DUOX1: variants seen among roughly 807,000 people sequenced by gnomAD.
DUOX1 encodes NADPH thyroid oxidase 1.
DUOX1 carries 134 observed loss-of-function variants against 181.8 expected under a neutral mutation model. The ratio of observed to expected loss-of-function variants is 0.74; its 90% CI spans 0.64 to 0.85. DUOX1 has a LOEUF of 0.85. DUOX1 is among the 40% of genes least tolerant of loss of function. The pLI, the probability that DUOX1 is intolerant of heterozygous loss-of-function variation, is 0.00. For missense variants in DUOX1, 1,814 were observed against 2,064.4 expected (o/e 0.88, Z 2.35); for synonymous variants, 798 against 832.5 (o/e 0.96, Z 0.71).
intron 28 of DUOX1, among the ~76,000 whole-genome samples, chr15:45,156,690 C>G (rs1291357348): frequency 2.0e-5 from 3 of 152,190 alleles, no homozygotes; most frequent in Non-Finnish European, 2.9e-5. Flanking sequence ...CTCGGCCTCC[C>G]AAAGTGCTGG....
At chr15:45,159,801 T>A (rs1394201126) in intron 28 of DUOX1, among the ~76,000 whole-genome samples, 1 of 152,094 alleles carries the variant, frequency 6.6e-6, no homozygotes, top group African/African-American at 2.4e-5. Context: ...TGGCAAACAG[T>A]CCCTACCCCT....
At position 45,155,552 on chromosome 15, in the gene DUOX1, A is replaced by C. The variant is rs72724257; in HGVS notation, c.3575-250A>C. 2,888 of 460,692 alleles carry C rather than the reference A, an allele frequency of 6.3e-3. 23 individuals carry two copies. Among genetic ancestry groups the C allele is most frequent in the Admixed American group, 8.5e-3 (231 of 27,156 alleles). The allele number at this position is 460,692 out of a possible 1,614,324, so 28.5% of individuals were successfully genotyped here. A position where few individuals can be genotyped will look rare whatever the true frequency, so the allele number is the denominator to read the frequency against. On this transcript the variant is annotated intron_variant, in intron 27 of 33. Transcript: ENST00000389037. ...ATGCACTCCAGGGAGCCTGGGTAAC[A>C]GAGCAAGACTCCATCTCAAAAAAAA...
chr15:45,132,992 G>A (rs562250459), intron 2 of DUOX1, among the ~76,000 whole-genome samples: 6 of 152,258 alleles, frequency 3.9e-5, no homozygotes, highest in South Asian at 2.1e-4. Flanking sequence ...GAATGTGTGC[G>A]TCTGTTCTCT....
chr15:45,161,433 A>AAAG (rs1254892053), intron 29 of DUOX1, among the ~76,000 whole-genome samples: 1 of 129,930 alleles, frequency 7.7e-6, no homozygotes, highest in Non-Finnish European at 1.8e-5. Context: ...AAAAAAAAAA[A>AAAG]AAAAAAAGGA....
At chr15:45,151,295 C>T (rs749965727) in intron 23 of DUOX1, 47 bp downstream of exon 23, 1 of 1,598,330 alleles carries the variant, frequency 6.3e-7, no homozygotes, top group Non-Finnish European at 8.5e-7. Context: ...TCCATTCCTT[C>T]AGCTTATAAA....
Position 45,135,308 on chromosome 15 carries a change from G to T in DUOX1, c.495+17G>T, listed in dbSNP as rs748649581. The stretch of plus-strand genomic sequence containing the variant: ...CGGGACCCGGTGAGGCGGGGAAGGC[G>T]GCGGGAAGGGACCGCACCCCAGCCA... On this transcript the variant is annotated intron_variant, in intron 5 of 33. Coordinates refer to ENST00000389037, the MANE Select transcript of DUOX1 (RefSeq NM_175940.3). 8.2e-6 allele frequency: 13 copies of T among 1,585,516 alleles called. No individual in the cohort carries two copies. In the South Asian group the frequency reaches 1.5e-4, roughly 18 times the overall value.
At chr15:45,139,292 G>GA (rs1896428586) in intron 11 of DUOX1, 124 bp downstream of exon 11, 1 of 1,595,312 alleles carries the variant, frequency 6.3e-7, no homozygotes, top group Non-Finnish European at 8.5e-7. Flanking sequence ...ACTCACTGAT[G>GA]AAAGAGCTTC....
chr15:45,135,087 T>C lies in DUOX1; in HGVS notation c.308-17T>C, dbSNP rs201773523. ...GCCCTCTGCTTGCCCTAGCACCCCC[T>C]CCTGCACTGCCCGCAGGCTATCACG... On this transcript the variant is annotated splice_polypyrimidine_tract_variant and intron_variant, in intron 4 of 33. Transcript: ENST00000389037. 1.7e-4 allele frequency: 267 copies of C among 1,612,880 alleles called. 2 individuals carry two copies. In the African/African-American group the frequency reaches 3.2e-3, roughly 20 times the overall value.
intron 18 of DUOX1, among the ~76,000 whole-genome samples, chr15:45,145,389 C>T (rs1595584092): frequency 2.0e-5 from 3 of 152,206 alleles, no homozygotes; most frequent in African/African-American, 7.2e-5. Context: ...GCCTCAAAGG[C>T]TGCAGAGACC....
At chr15:45,134,826 G>T (rs1896244951) in intron 4 of DUOX1, among the ~76,000 whole-genome samples, 1 of 152,160 alleles carries the variant, frequency 6.6e-6, no homozygotes, top group Admixed American at 6.5e-5. Flanking sequence ...TGGAGCTGGT[G>T]CTGCCGGCCC....
intron 13 of DUOX1, 78 bp from the exon 14 acceptor site, chr15:45,141,214 C>A: frequency 2.5e-6 from 4 of 1,578,904 alleles, no homozygotes; most frequent in Non-Finnish European, 3.5e-6. Context: ...TCTTTTCTCA[C>A]CTGGGTCCTT....
At chr15:45,161,477 GA>G (rs1416337066) in intron 29 of DUOX1, among the ~76,000 whole-genome samples, 1 of 147,056 alleles carries the variant, frequency 6.8e-6, no homozygotes, top group African/African-American at 2.5e-5. Flanking sequence ...AGGAAGGAAG[GA>G]AAGGAAAGGA....
intron 4 of DUOX1, among the ~76,000 whole-genome samples, chr15:45,134,519 G>T (rs1037845721): frequency 2.0e-4 from 30 of 152,034 alleles, no homozygotes; most frequent in Non-Finnish European, 1.2e-4. Context: ...GCAGAAATCT[G>T]CCCCACACAG....
chr15:45,154,566 A>C (rs1595592574), intron 27 of DUOX1, among the ~76,000 whole-genome samples: 2 of 144,182 alleles, frequency 1.4e-5, no homozygotes, highest in African/African-American at 5.1e-5. Context: ...TAATTTCTAT[A>C]CTGGCTCCTC....
rs147031273 is a variant in DUOX1 at position 45,153,994 on chromosome 15, G to A, written c.3568G>A (p.Val1190Ile). The A allele has an allele frequency of 6.7e-5, 108 of 1,613,212 alleles. No individual in the cohort carries two copies. The highest frequency in any genetic ancestry group is 3.3e-4 in the Middle Eastern group (2 of 6,058). The change falls in exon 27 of 34, where the codon GTA becomes ATA. Residue 1190 changes from valine to isoleucine, a missense_variant. This residue lies in a region of DUOX1 where 279 missense variants were observed against 381.9 expected (regional missense o/e 0.73). Transcript: ENST00000389037. ...QKYYWWFFQTVPGLTGVVLLL... is the reference protein window; with the variant it reads ...QKYYWWFFQTIPGLTGVVLLL... ...GTATTACTGGTGGTTCTTCCAGACC[G>A]TACCAGGTGAGAACCCTCCTTGATC...
In DUOX1 at chr15:45,136,234, C is replaced by T. The variant is rs970115801; in HGVS notation, c.865-116C>T. 3 of 1,522,556 alleles carry T rather than the reference C, an allele frequency of 2.0e-6. No individual in the cohort carries two copies. The Admixed American group carries it at 5.7e-5, about 29-fold the overall frequency. 94.3% of individuals were successfully genotyped at this position (1,522,556 alleles called of 1,614,324 possible). ...ACTGCTCCTGTTTGAGTTGCTTCTC[C>T]CATGACTGACCCTGGCTGGTCCTCA... On this transcript the variant is annotated intron_variant, in intron 7 of 33. Transcript: ENST00000389037.
chr15:45,143,670 C>A (rs1469162199), intron 16 of DUOX1, among the ~76,000 whole-genome samples: 1 of 152,116 alleles, frequency 6.6e-6, no homozygotes, highest in Non-Finnish European at 1.5e-5. Flanking sequence ...TTGGTTCCAC[C>A]ACCACTATGG....
chr15:45,152,541 G>A, intron 25 of DUOX1, 25 bp downstream of exon 25: 1 of 1,604,016 alleles, frequency 6.2e-7, no homozygotes, highest in Non-Finnish European at 8.5e-7. Flanking sequence ...TCCCTGGGAG[G>A]CTCTCCAGGG....
chr15:45,143,326 T>A (rs1416272501), intron 16 of DUOX1, 23 bp downstream of exon 16: 5 of 1,599,716 alleles, frequency 3.1e-6, no homozygotes, highest in Non-Finnish European at 4.3e-6. Context: ...CTGGCCAGGG[T>A]GGTGGTAGGG....
Sources: allele counts gnomAD v4.1 joint callset (sites outside exome capture counted in the v4.1 genomes callset), GRCh38; gene constraint gnomAD v4.1.1; regional missense constraint gnomAD v4.1.1; transcripts MANE v1.5; gene names NCBI Gene and HGNC (gene_info 2026-07-23, HGNC 2026-07-21).